Variants in CEP250 observed in about 807,000 individuals in gnomAD.
The protein encoded by CEP250 is centrosomal protein 250.
A neutral mutation model predicts 315.7 loss-of-function variants in CEP250; 242 were observed. The ratio of observed to expected loss-of-function variants is 0.77; its 90% CI spans 0.69 to 0.85. The LOEUF (loss-of-function observed/expected upper bound fraction) is 0.85, where lower values mean the gene tolerates loss of function less well. Ranked by LOEUF, CEP250 falls within the 40% of genes least tolerant of loss-of-function variation. CEP250 has a pLI of 0.00. For synonymous variants in CEP250, 1,088 were observed against 1,175.0 expected, an observed-to-expected ratio of 0.93 and a Z score of 1.51; for missense variants, 2,515 against 2,886.4, an observed-to-expected ratio of 0.87 and a Z score of 2.95.
chr20:35,479,660 T>C lies in CEP250; in HGVS notation c.2303T>C (p.Leu768Pro). The change falls in exon 19 of 35, where the codon CTA becomes CCA. Residue 768 changes from leucine to proline, a missense_variant. By Grantham distance (98) the Leu-to-Pro change is moderately conservative. Transcript: ENST00000397527. The part of the protein sequence containing the change: ...QLQGLSSAKE[L>P]LESSLFEAQQ... ...GAACCTCACAGCTCAGCCAAGGAGC[T>C]ACTGGAGAGCAGTCTGTTTGAAGCC... The C allele has an allele frequency of 6.2e-7, 1 of 1,614,204 alleles. No individual in the cohort carries two copies. Among genetic ancestry groups the C allele is most frequent in the Non-Finnish European group, 8.5e-7 (1 of 1,180,044 alleles).
intron 27 of CEP250, among the ~76,000 whole-genome samples, chr20:35,499,056 C>T (rs1166319243): frequency 4.6e-5 from 7 of 152,226 alleles, no homozygotes; most frequent in African/African-American, 1.7e-4. Flanking sequence ...AGGTGGATCA[C>T]CTGAGGTCAG....
At position 35,462,573 on chromosome 20, in the gene CEP250, G is replaced by T; in HGVS notation, c.186+20G>T. 6.4e-7 allele frequency: 1 copy of T among 1,571,858 alleles called. No homozygotes were observed. The highest frequency in any genetic ancestry group is 1.2e-5 in the South Asian group (1 of 86,146). On this transcript the variant is annotated intron_variant, in intron 4 of 34. Transcript: ENST00000397527. ...GCCAAGGTGAGGCAGCTGCCCTTTTGGGGAGGGGAAAGAGAACAACCCCCA... is the reference window on the plus strand; with the variant it reads ...GCCAAGGTGAGGCAGCTGCCCTTTTTGGGAGGGGAAAGAGAACAACCCCCA...
chr20:35,465,909 TG>T, intron 6 of CEP250, 84 bp downstream of exon 6: 3 of 1,512,378 alleles, frequency 2.0e-6, no homozygotes, highest in Non-Finnish European at 2.7e-6. Flanking sequence ...TGAGGGCTAA[TG>T]TGGACTTCAG....
rs749298218 is a variant in CEP250 at position 35,503,639 on chromosome 20, A to C, written c.5270A>C (p.Gln1757Pro). Residue 1757 changes from glutamine (Q) to proline (P), a missense_variant, in exon 30 of 35, where the codon CAG becomes CCG. By Grantham distance (76) the Gln-to-Pro change is moderately conservative. Transcript: ENST00000397527. This position sits in a 1 kb window ranked among gnomAD's most constrained non-coding sequence, Gnocchi z 4.2. Reference protein sequence around the residue: ...ELQELKDQLEQQLQGLHRKVG... With the variant: ...ELQELKDQLEPQLQGLHRKVG... ...CAGGAGCTCAAAGACCAGCTGGAGC[A>C]GCAGCTCCAGGGCCTGCACAGGAAG... The C allele has an allele frequency of 6.2e-7, 1 of 1,614,116 alleles. No individual in the cohort carries two copies. The highest frequency in any genetic ancestry group is 1.1e-5 in the South Asian group (1 of 91,090).
rs745851679 is a variant in CEP250, at chr20:35,479,648, C to T, written c.2291C>T (p.Ser764Leu). The change falls in exon 19 of 35, where the codon TCA (serine) becomes TTA (leucine). Residue 764 changes from serine to leucine, a missense_variant and splice_region_variant. Ser to Leu is a moderately radical substitution (Grantham distance 145). Transcript: ENST00000397527. ...DLAEQLQGLS[S>L]AKELLESSLF... ...CTTCTGATTCCTGAACCTCACAGCTCAGCCAAGGAGCTACTGGAGAGCAGT... is the reference window on the plus strand; with the variant it reads ...CTTCTGATTCCTGAACCTCACAGCTTAGCCAAGGAGCTACTGGAGAGCAGT... 6.2e-6 allele frequency: 10 copies of T among 1,614,142 alleles called. No homozygotes were observed. Among genetic ancestry groups the T allele is most frequent in the Non-Finnish European group, 1.7e-6 (2 of 1,179,990 alleles).
intron 30 of CEP250, among the ~76,000 whole-genome samples, chr20:35,506,478 C>A (rs1030477288): frequency 6.6e-6 from 1 of 152,142 alleles, no homozygotes; most frequent in Non-Finnish European, 1.5e-5. Context: ...ACAGGAAAGC[C>A]AAGTTGGCTC....
At chr20:35,493,388 C>A in intron 22 of CEP250, 41 bp from the exon 23 acceptor site, 1 of 1,478,924 alleles carries the variant, frequency 6.8e-7, no homozygotes, top group Non-Finnish European at 9.0e-7. Flanking sequence ...ATTTCTATGA[C>A]ACAGATTTCC....
At chr20:35,478,975 G>A (rs2063257189) in intron 17 of CEP250, among the ~76,000 whole-genome samples, 1 of 152,162 alleles carries the variant, frequency 6.6e-6, no homozygotes, top group African/African-American at 2.4e-5. Flanking sequence ...ATCTTCTCAA[G>A]GCCAAAACCT....
Position 35,503,235 on chromosome 20 carries a change from A to T in CEP250, c.4866A>T (p.Ala1622=), listed in dbSNP as rs2064069750. 6.2e-7 allele frequency: 1 copy of T among 1,614,070 alleles called. No homozygotes were observed. The highest frequency in any genetic ancestry group is 1.7e-5 in the Admixed American group (1 of 60,000). ...HDLESHSTVL[A]RELQERDQEV... ...TGGAGAGCCACAGCACCGTTCTGGC[A>T]AGAGAGCTGCAGGAGAGGGACCAGG... Residue 1622 remains alanine, a synonymous_variant, in exon 30 of 35, where the codon GCA becomes GCT. Transcript: ENST00000397527. The surrounding 1 kb of genome is among the most constrained non-coding windows in gnomAD (Gnocchi z 4.2).
Position 35,475,528 on chromosome 20 carries a change from C to T in CEP250, c.1598C>T (p.Ala533Val). The change falls in exon 15 of 35, where the codon GCC (alanine) becomes GTC (valine). Residue 533 changes from alanine to valine, a missense_variant. Ala to Val is a moderately conservative substitution (Grantham distance 64, BLOSUM62 0). Coordinates refer to ENST00000397527, the MANE Select transcript of CEP250 (RefSeq NM_007186.6). ...CAGGAGATGCTGATGGGCCTGGAAGCCAAACAGTCAGAATCACTCAGTGAA... is the reference window on the plus strand; with the variant it reads ...CAGGAGATGCTGATGGGCCTGGAAGTCAAACAGTCAGAATCACTCAGTGAA... Reference protein sequence around the residue: ...RLQEMLMGLEAKQSESLSELI... With the variant: ...RLQEMLMGLEVKQSESLSELI... 1 of 1,614,102 alleles carries T rather than the reference C, an allele frequency of 6.2e-7. No individual in the cohort carries two copies. Among genetic ancestry groups the T allele is most frequent in the Non-Finnish European group, 8.5e-7 (1 of 1,180,002 alleles).
rs944010816 is a variant in CEP250 at position 35,490,735 on chromosome 20, G to A, written c.2685G>A (p.Gln895=). 4.3e-5 allele frequency: 69 copies of A among 1,613,866 alleles called. No individual in the cohort carries two copies. Among genetic ancestry groups the A allele is most frequent in the Non-Finnish European group, 5.3e-5 (63 of 1,180,008 alleles). ...MELEMRLKEQ[Q]TEMEAIQAQR... ...TGGAAATGAGGCTAAAGGAGCAGCA[G>A]ACAGAAATGGAGGCCATCCAGGCCC... Residue 895 remains glutamine (Q), a synonymous_variant, in exon 21 of 35, where the codon CAG becomes CAA. Transcript: ENST00000397527.
chr20:35,493,356 C>G, intron 22 of CEP250, 73 bp from the exon 23 acceptor site: 1 of 1,373,224 alleles, frequency 7.3e-7, no homozygotes, highest in South Asian at 1.6e-5. Context: ...TCAGCTTTTG[C>G]CACCCCACCA....
Position 35,479,689 on chromosome 20 carries a change from CA to C in CEP250, c.2334del (p.Gln778HisfsTer5). 1 of 1,614,152 alleles carries C rather than the reference CA, an allele frequency of 6.2e-7. No homozygotes were observed. The highest frequency in any genetic ancestry group is 8.5e-7 in the Non-Finnish European group (1 of 1,180,036). On this transcript the variant is annotated frameshift_variant, in exon 19 of 35. Coordinates refer to ENST00000397527, the MANE Select transcript of CEP250 (RefSeq NM_007186.6). LOFTEE classifies it high-confidence loss of function. The part of the protein sequence containing the change: ...LLESSLFEAQ[Q>X]QNSVIEVTKG... ...GGAGAGCAGTCTGTTTGAAGCCCAACAACAAAATTCTGTGATAGAGGTCACC... is the reference window on the plus strand; with the variant it reads ...GGAGAGCAGTCTGTTTGAAGCCCAACACAAAATTCTGTGATAGAGGTCACC...
chr20:35,493,124 C>A (rs2063743331), intron 22 of CEP250, among the ~76,000 whole-genome samples: 1 of 151,988 alleles, frequency 6.6e-6, no homozygotes, highest in East Asian at 1.9e-4. Flanking sequence ...TCTCTACTCT[C>A]CTGAGTAGAG....
chr20:35,499,145 G>A (rs1370303225), intron 27 of CEP250, among the ~76,000 whole-genome samples: 1 of 152,122 alleles, frequency 6.6e-6, no homozygotes, highest in African/African-American at 2.4e-5. Flanking sequence ...GGTGGCGGTG[G>A]GCACCTGTAA....
chr20:35,492,443 A>T (rs224374), intron 22 of CEP250, among the ~76,000 whole-genome samples: 151,587 of 152,252 alleles, frequency 1, 75,468 homozygotes, highest in Middle Eastern at 1. Context: ...CCCACTACAC[A>T]GTATACGTTA....
At chr20:35,469,842 C>A in intron 9 of CEP250, 48 bp from the exon 10 acceptor site, 3 of 1,313,138 alleles carry the variant, frequency 2.3e-6, no homozygotes, top group Non-Finnish European at 3.2e-6. Flanking sequence ...GTAGCTCTGT[C>A]CACATCCATG....
intron 5 of CEP250, among the ~76,000 whole-genome samples, chr20:35,464,205 A>ATAC (rs1349986895): frequency 6.6e-6 from 1 of 152,204 alleles, no homozygotes; most frequent in Non-Finnish European, 1.5e-5. Flanking sequence ...TGAAAGCTAT[A>ATAC]TGCATTCAGT....
chr20:35,516,767 A>C lies in CEP250; in HGVS notation c.*5141A>C, dbSNP rs532935243. On this transcript the variant is annotated 3_prime_UTR_variant, in exon 35 of 35. Coordinates refer to ENST00000397527, the MANE Select transcript of CEP250 (RefSeq NM_007186.6). Reference sequence around the variant, plus strand: ...TCAGTGAGGCCAGGGAGAGTCAAACAGAGCATCTTGGACAAAGAGAGGGCT... The same window carrying C: ...TCAGTGAGGCCAGGGAGAGTCAAACCGAGCATCTTGGACAAAGAGAGGGCT... 1 of 153,944 alleles carries C rather than the reference A, an allele frequency of 6.5e-6. No individual in the cohort carries two copies. The highest frequency in any genetic ancestry group is 2.4e-5 in the African/African-American group (1 of 41,616). 9.5% of individuals were successfully genotyped at this position (153,944 alleles called of 1,614,324 possible).
Sources: gnomAD v4.1 joint callset for allele counts (sites outside exome capture counted in the v4.1 genomes callset) on GRCh38, gnomAD v4.1.1 for gene constraint, Gnocchi (gnomAD v3.1) non-coding constraint, MANE v1.5 for transcripts, NCBI Gene and HGNC (gene_info 2026-07-23, HGNC 2026-07-21) for gene names.